The following STK39 variants were observed in gnomAD, a reference collection of about 807,000 sequenced individuals.
STK39 encodes the protein STE20/SPS1-related proline-alanine-rich protein kinase.
STK39 carries 20 observed loss-of-function variants against 77.8 expected under a neutral mutation model. That is an observed-to-expected ratio of 0.26 (90% CI 0.18 to 0.37). The LOEUF (loss-of-function observed/expected upper bound fraction) is 0.37, where lower values mean the gene tolerates loss of function less well. STK39 is among the 10% of genes least tolerant of loss of function. STK39 has a pLI of 1.00. For synonymous variants in STK39, 246 were observed against 234.1 expected, an observed-to-expected ratio of 1.05 and a Z score of -0.47; for missense variants, 479 against 656.5, an observed-to-expected ratio of 0.73 and a Z score of 2.95.
At chr2:168,110,553 T>C (rs1687094530) in intron 10 of STK39, among the ~76,000 whole-genome samples, 1 of 152,316 alleles carries the variant, frequency 6.6e-6, no homozygotes, top group East Asian at 1.9e-4. Context: ...TTATTTTTCA[T>C]ATAGATTGTA....
intron 5 of STK39, among the ~76,000 whole-genome samples, chr2:168,156,656 A>G (rs1161031127): frequency 6.6e-6 from 1 of 152,242 alleles, no homozygotes; most frequent in Non-Finnish European, 1.5e-5. Flanking sequence ...TTAATGCCGC[A>G]GTATATTCTC....
intron 15 of STK39, among the ~76,000 whole-genome samples, chr2:168,016,375 G>A (rs1256047051): frequency 7.5e-6 from 1 of 133,554 alleles, no homozygotes; most frequent in Admixed American, 7.9e-5. Context: ...TGTTTGGCTG[G>A]TGGCCTTTGT....
intron 1 of STK39, among the ~76,000 whole-genome samples, chr2:168,221,750 G>T (rs1297311193): frequency 6.6e-6 from 1 of 152,066 alleles, no homozygotes; most frequent in African/African-American, 2.4e-5. Flanking sequence ...GACCGTAAAG[G>T]GCACTTCTTC....
At chr2:168,120,258 C>A (rs940443443) in intron 10 of STK39, among the ~76,000 whole-genome samples, 1 of 152,164 alleles carries the variant, frequency 6.6e-6, no homozygotes, top group East Asian at 1.9e-4. Flanking sequence ...ATAAATGTGA[C>A]GTAAGCATCT....
At chr2:168,237,757 A>AT (rs960285285) in intron 1 of STK39, among the ~76,000 whole-genome samples, 12 of 151,862 alleles carry the variant, frequency 7.9e-5, no homozygotes, top group African/African-American at 2.7e-4. Context: ...GCTGGGATGG[A>AT]TTTTTTTTCC....
chr2:168,020,934 C>T (rs1424154408), intron 14 of STK39, among the ~76,000 whole-genome samples: 3 of 152,114 alleles, frequency 2.0e-5, no homozygotes, highest in Non-Finnish European at 4.4e-5. Context: ...AATCACCAAG[C>T]ATTCATTTCC....
chr2:168,046,172 C>T (rs1463395270), intron 14 of STK39, among the ~76,000 whole-genome samples: 1 of 152,034 alleles, frequency 6.6e-6, no homozygotes, highest in Non-Finnish European at 1.5e-5. Flanking sequence ...TCGAGACCAT[C>T]CTGGCCAACA....
intron 14 of STK39, among the ~76,000 whole-genome samples, chr2:168,026,044 A>T (rs763974269): frequency 6.6e-6 from 1 of 152,230 alleles, no homozygotes; most frequent in Non-Finnish European, 1.5e-5. Flanking sequence ...AGCTGTGTGA[A>T]AACACTGTAT....
chr2:167,956,550 G>A (rs1403412335), intron 17 of STK39, among the ~76,000 whole-genome samples: 14 of 141,996 alleles, frequency 9.9e-5, no homozygotes, highest in Admixed American at 2.8e-4. Context: ...GCGACAGAGC[G>A]AGACTCCACC....
At chr2:168,129,265 AACCTCATCACATCCCCTC>A (rs1687619912) in intron 10 of STK39, among the ~76,000 whole-genome samples, 1 of 152,226 alleles carries the variant, frequency 6.6e-6, no homozygotes, top group South Asian at 2.1e-4. Flanking sequence ...CCAGTATTTA[AACCTCATCACATCCCCTC>A]CTTTCTGACC....
intron 10 of STK39, among the ~76,000 whole-genome samples, chr2:168,103,478 TTC>T (rs1470535791): frequency 6.6e-6 from 1 of 152,202 alleles, no homozygotes; most frequent in Non-Finnish European, 1.5e-5. Flanking sequence ...AACATTGCCC[TTC>T]TTTGTACCTT....
At chr2:168,151,539 A>G (rs1688282282) in intron 5 of STK39, among the ~76,000 whole-genome samples, 1 of 152,140 alleles carries the variant, frequency 6.6e-6, no homozygotes, top group African/African-American at 2.4e-5. Flanking sequence ...GATCGAGACC[A>G]TCCTAGCTAA....
In STK39 at chr2:168,075,227, C is replaced by G; in HGVS notation, c.1094G>C (p.Arg365Thr). Reference protein sequence around the residue: ...PDIAQRAKKVRRVPGSSGHLH... With the variant: ...PDIAQRAKKVTRVPGSSGHLH... ...GTGACCACTTGACCCAGGAACTCTT[C>G]TTACCTGAATCAAAACAAGCCCACA... The change falls in exon 11 of 18, where the codon AGA (arginine) becomes ACA (threonine). Residue 365 changes from arginine to threonine, a missense_variant. Coordinates refer to ENST00000355999, the MANE Select transcript of STK39 (RefSeq NM_013233.3). The G allele has an allele frequency of 1.9e-6, 3 of 1,613,850 alleles. No individual in the cohort carries two copies. The highest frequency in any genetic ancestry group is 2.5e-6 in the Non-Finnish European group (3 of 1,180,010).
chr2:168,015,439 C>A (rs1023400304), intron 15 of STK39, among the ~76,000 whole-genome samples: 7 of 152,296 alleles, frequency 4.6e-5, no homozygotes, highest in African/African-American at 9.6e-5. Flanking sequence ...TAACAATGGG[C>A]CTGTGCTCTG....
At chr2:168,108,345 C>T (rs1023239580) in intron 10 of STK39, among the ~76,000 whole-genome samples, 2 of 152,018 alleles carry the variant, frequency 1.3e-5, no homozygotes, top group Non-Finnish European at 2.9e-5. Flanking sequence ...CCCGGGAGTT[C>T]AAGATCAGCC....
chr2:168,065,295 G>T, intron 13 of STK39, 24 bp downstream of exon 13: 3 of 1,613,218 alleles, frequency 1.9e-6, no homozygotes, highest in Non-Finnish European at 2.5e-6. Flanking sequence ...CACCTCAAAC[G>T]GAATGACTGG....
chr2:168,170,872 A>C (rs1688806972), intron 2 of STK39, among the ~76,000 whole-genome samples: 1 of 152,220 alleles, frequency 6.6e-6, no homozygotes, highest in Non-Finnish European at 1.5e-5. Context: ...TTTCACAAGG[A>C]CAGAAAAGGG....
At chr2:168,032,267 T>C (rs1684848500) in intron 14 of STK39, among the ~76,000 whole-genome samples, 1 of 152,178 alleles carries the variant, frequency 6.6e-6, no homozygotes, top group South Asian at 2.1e-4. Flanking sequence ...TATCAAATAA[T>C]AAAGCTGATT....
chr2:168,024,507 T>C (rs986655298), intron 14 of STK39, among the ~76,000 whole-genome samples: 22 of 152,210 alleles, frequency 1.4e-4, no homozygotes, highest in African/African-American at 5.3e-4. Context: ...CTAAAAGCGC[T>C]TGAGGCTGTG....
Sources: allele counts gnomAD v4.1 joint callset (sites outside exome capture counted in the v4.1 genomes callset), GRCh38; gene constraint gnomAD v4.1.1; transcripts MANE v1.5; gene names NCBI Gene and HGNC (gene_info 2026-07-23, HGNC 2026-07-21).